The following HOXB6 variants were observed in gnomAD, a reference collection of about 807,000 sequenced individuals.
The protein encoded by HOXB6 is homeobox B6.
A neutral mutation model predicts 24.2 loss-of-function variants in HOXB6; 18 were observed. The observed-to-expected ratio is 0.74, with a 90% CI of 0.51 to 1.10. HOXB6 has a LOEUF of 1.10. HOXB6 is among the 50% of genes least tolerant of loss of function. The pLI, the probability that HOXB6 is intolerant of heterozygous loss-of-function variation, is 0.00. For missense variants in HOXB6, 332 were observed against 308.3 expected, an observed-to-expected ratio of 1.08 and a Z score of -0.58; for synonymous variants, 159 against 139.1, an observed-to-expected ratio of 1.14 and a Z score of -1.01.
Position 48,597,891 on chromosome 17 carries a change from G to A in HOXB6, c.260C>T (p.Ala87Val), listed in dbSNP as rs756336721. The A allele has an allele frequency of 6.3e-7, 1 of 1,586,798 alleles. No homozygotes were observed. The highest frequency in any genetic ancestry group is 2.3e-5 in the East Asian group (1 of 43,062). ...APAFYREKES[A>V]CALSGADEQP... The stretch of plus-strand genomic sequence containing the variant: ...CTCGTCGGCGCCGGAGAGTGCGCAG[G>A]CCGACTCTTTCTCGCGGTAGAAGGC... The change falls in exon 3 of 4, where the codon GCC (alanine) becomes GTC (valine). Residue 87 changes from alanine (A) to valine (V), a missense_variant. Transcript: ENST00000225648.
Position 48,596,630 on chromosome 17 carries a change from T to C in HOXB6, c.458A>G (p.Tyr153Cys). The C allele has an allele frequency of 1.2e-6, 2 of 1,614,034 alleles. No homozygotes were observed. Among genetic ancestry groups the C allele is most frequent in the Non-Finnish European group, 1.7e-6 (2 of 1,180,038 alleles). ...CAGCTCCAGCGTCTGGTAACGTGTGTATGTCTGGCGGCCTCGCCGGCCGCT... is the reference window on the plus strand; with the variant it reads ...CAGCTCCAGCGTCTGGTAACGTGTGCATGTCTGGCGGCCTCGCCGGCCGCT... ...GPSGRRGRQT[Y>C]TRYQTLELEK... Residue 153 changes from tyrosine (Y) to cysteine (C), a missense_variant, in exon 4 of 4, where the codon TAC (tyrosine) becomes TGC (cysteine). Physicochemically the swap from Tyr to Cys is radical, Grantham distance 194. Transcript: ENST00000225648. This position sits in a 1 kb window ranked among gnomAD's most constrained non-coding sequence, Gnocchi z 4.8.
chr17:48,600,410 T>C (rs1292795740), intron 2 of HOXB6: 11 of 452,804 alleles, frequency 2.4e-5, no homozygotes, highest in Non-Finnish European at 4.0e-5. Flanking sequence ...GCCTTATCTT[T>C]AGAGTCACAG....
intron 2 of HOXB6, among the ~76,000 whole-genome samples, chr17:48,603,524 C>A (rs2070516891): frequency 6.6e-6 from 1 of 152,160 alleles, no homozygotes; most frequent in Non-Finnish European, 1.5e-5. Flanking sequence ...TTTTTATTTA[C>A]AAGCCTAAAA....
At chr17:48,600,688 C>T (rs948527992) in intron 2 of HOXB6, 3 of 371,724 alleles carry the variant, frequency 8.1e-6, no homozygotes, top group Middle Eastern at 9.5e-4. Flanking sequence ...TGTCTGTCTC[C>T]TTGGGGGAAT....
Position 48,597,897 on chromosome 17 carries a change from T to A in HOXB6, c.254A>T (p.Glu85Val). ...GPAPAFYREK[E>V]SACALSGADE... ...GGCGCCGGAGAGTGCGCAGGCCGACTCTTTCTCGCGGTAGAAGGCCGGCGC... is the reference window on the plus strand; with the variant it reads ...GGCGCCGGAGAGTGCGCAGGCCGACACTTTCTCGCGGTAGAAGGCCGGCGC... The change falls in exon 3 of 4, where the codon GAG becomes GTG. Residue 85 changes from glutamate (E) to valine (V), a missense_variant. Glu to Val is a moderately radical substitution (Grantham distance 121). Coordinates refer to ENST00000225648, the MANE Select transcript of HOXB6 (RefSeq NM_018952.5). The A allele has an allele frequency of 6.3e-7, 1 of 1,585,216 alleles. No individual in the cohort carries two copies. Among genetic ancestry groups the A allele is most frequent in the Non-Finnish European group, 8.6e-7 (1 of 1,165,296 alleles).
chr17:48,603,596 G>A (rs1198743421), intron 2 of HOXB6: 2 of 152,178 alleles, frequency 1.3e-5, no homozygotes, highest in Non-Finnish European at 2.9e-5. Context: ...AGTTTGAAAT[G>A]TTATCATATC....
intron 2 of HOXB6, chr17:48,600,600 G>A (rs2070436968): frequency 2.2e-6 from 1 of 452,240 alleles, no homozygotes; most frequent in Non-Finnish European, 4.4e-6. Context: ...AGAGCAGGCG[G>A]GCAGGGCAGG....
At position 48,596,310 on chromosome 17, in the gene HOXB6, C is replaced by A. The variant is rs142448676; in HGVS notation, c.*103G>T. On this transcript the variant is annotated 3_prime_UTR_variant, in exon 4 of 4. Coordinates refer to ENST00000225648, the MANE Select transcript of HOXB6 (RefSeq NM_018952.5). The surrounding 1 kb of genome is among the most constrained non-coding windows in gnomAD (Gnocchi z 4.8). ...CGCCTGTCTGCGCCGGAGAGCAGGT[C>A]TCCTGGCTCCCCCACCCGAGAGCCT... The A allele has an allele frequency of 2.0e-4, 309 of 1,557,384 alleles. 2 individuals are homozygous for A. The East Asian group carries it at 3.7e-3, about 19-fold the overall frequency.
intron 2 of HOXB6, chr17:48,600,483 C>G: frequency 2.2e-6 from 1 of 455,932 alleles, no homozygotes; most frequent in Non-Finnish European, 4.4e-6. Context: ...ACAGGCGGGC[C>G]TGGGCGCCTG....
chr17:48,603,402 C>A lies in HOXB6; in HGVS notation c.-79+1078G>T, dbSNP rs150377760. Among the ~76,000 whole-genome samples, 1,245 of 152,320 alleles carry A rather than the reference C, an allele frequency of 8.2e-3. 22 individuals carry two copies. Among genetic ancestry groups the A allele is most frequent in the African/African-American group, 0.029 (1,200 of 41,568 alleles). On this transcript the variant is annotated intron_variant, in intron 2 of 3. Transcript: ENST00000225648. Reference sequence around the variant, plus strand: ...TGACTGAGGGATAAAATTGGACACCCGAGGGACGGGACTGTCTGAGCTCAG... The same window carrying A: ...TGACTGAGGGATAAAATTGGACACCAGAGGGACGGGACTGTCTGAGCTCAG...
At chr17:48,603,521 T>G (rs1384202548) in intron 2 of HOXB6, among the ~76,000 whole-genome samples, 5 of 152,232 alleles carry the variant, frequency 3.3e-5, no homozygotes, top group Non-Finnish European at 7.3e-5. Flanking sequence ...TTATTTTTAT[T>G]TACAAGCCTA....
chr17:48,597,461 G>T (rs2070333313), intron 3 of HOXB6, among the ~76,000 whole-genome samples: 1 of 152,208 alleles, frequency 6.6e-6, no homozygotes, highest in Admixed American at 6.5e-5. Context: ...TCCCTTCCCT[G>T]TCCTGGAACC....
intron 2 of HOXB6, among the ~76,000 whole-genome samples, chr17:48,599,760 A>G (rs2070411788): frequency 6.6e-6 from 1 of 152,202 alleles, no homozygotes; most frequent in Non-Finnish European, 1.5e-5. Context: ...GAAGGGTGAC[A>G]ACCTTCACAC....
At chr17:48,602,853 G>C (rs1490295525) in intron 2 of HOXB6, among the ~76,000 whole-genome samples, 1 of 152,232 alleles carries the variant, frequency 6.6e-6, no homozygotes, top group Non-Finnish European at 1.5e-5. Context: ...CCTTTAGTAT[G>C]GGTGGGTTTG....
intron 2 of HOXB6, among the ~76,000 whole-genome samples, chr17:48,599,590 T>C (rs1261602449): frequency 3.3e-5 from 5 of 152,314 alleles, no homozygotes; most frequent in Admixed American, 3.3e-4. Flanking sequence ...CCACACCCCG[T>C]GTTTGTATCA....
chr17:48,601,271 G>A (rs1263169975), intron 2 of HOXB6, among the ~76,000 whole-genome samples: 1 of 152,102 alleles, frequency 6.6e-6, no homozygotes, highest in Non-Finnish European at 1.5e-5. Context: ...ATAGGTTGAG[G>A]GAGGCTGTTT....
At chr17:48,602,750 C>A (rs1597881880) in intron 2 of HOXB6, among the ~76,000 whole-genome samples, 1 of 152,218 alleles carries the variant, frequency 6.6e-6, no homozygotes, top group Admixed American at 6.5e-5. Flanking sequence ...TGTCTCCGAA[C>A]GGACGGTAGA....
chr17:48,600,998 G>A (rs1187791756), intron 2 of HOXB6, among the ~76,000 whole-genome samples: 1 of 143,830 alleles, frequency 7.0e-6, no homozygotes, highest in African/African-American at 2.9e-5. Flanking sequence ...TTGCGTGTGT[G>A]TGTGTGTGTG....
intron 3 of HOXB6, 93 bp downstream of exon 3, chr17:48,597,643 T>G: frequency 8.3e-6 from 11 of 1,323,864 alleles, no homozygotes; most frequent in Non-Finnish European, 1.1e-5. Flanking sequence ...CAGCACCCTG[T>G]GGGAGATTGG....
Sources: allele counts gnomAD v4.1 joint callset (sites outside exome capture counted in the v4.1 genomes callset), GRCh38; gene constraint gnomAD v4.1.1; non-coding constraint Gnocchi (gnomAD v3.1); transcripts MANE v1.5; gene names NCBI Gene and HGNC (gene_info 2026-07-23, HGNC 2026-07-21).